PMP22: variants seen among roughly 807,000 people sequenced by gnomAD.
PMP22 encodes Charcot-Marie-Tooth neuropathy 1A (greatly reduced nerve conduction velocity, hereditary motor sensory neuropathy Ia).
Under a neutral mutation model 18.9 loss-of-function variants are expected in PMP22, and 2 were observed. That is an observed-to-expected ratio of 0.11 (90% CI 0.04 to 0.33). PMP22 has a LOEUF of 0.33. PMP22 is among the 10% of genes least tolerant of loss of function. The pLI, the probability that PMP22 is intolerant of heterozygous loss-of-function variation, is 1.00. For missense variants in PMP22, 169 were observed against 202.2 expected (o/e 0.84, Z 1.00); for synonymous variants, 95 against 89.2 (o/e 1.07, Z -0.37).
Position 15,246,584 on chromosome 17 carries a change from G to A in PMP22, c.179-6973C>T, listed in dbSNP as rs191568746. 3.3e-5 allele frequency among the ~76,000 whole-genome samples: 5 copies of A among 152,348 alleles called. No homozygotes were observed. In the East Asian group the frequency reaches 5.8e-4, roughly 18 times the overall value. ...ACTATAGATTAACACAAGCCCCAGT[G>A]TGGCGATACTCTTCCCCACGCCCCA... On this transcript the variant is annotated intron_variant, in intron 3 of 4. Coordinates refer to ENST00000312280, the MANE Select transcript of PMP22 (RefSeq NM_000304.4).
At chr17:15,242,251 C>CAAAAAAAAAA (rs59075019) in intron 3 of PMP22, among the ~76,000 whole-genome samples, 2 of 54,788 alleles carry the variant, frequency 3.7e-5, no homozygotes, top group African/African-American at 6.7e-5. Flanking sequence ...GACTCTGTCT[C>CAAAAAAAAAA]AAAAAAAAAA....
chr17:15,233,988 G>A (rs536989859), intron 4 of PMP22, among the ~76,000 whole-genome samples: 14 of 152,288 alleles, frequency 9.2e-5, no homozygotes, highest in African/African-American at 2.6e-4. Context: ...ATGATCAGAC[G>A]CACGTTTTAG....
intron 1 of PMP22, among the ~76,000 whole-genome samples, chr17:15,264,574 T>C (rs1282749856): frequency 6.6e-6 from 1 of 152,224 alleles, no homozygotes; most frequent in Admixed American, 6.5e-5. Flanking sequence ...AAAGTGCATA[T>C]ATTGGGTGCT....
chr17:15,256,363 C>T (rs1908825394), intron 3 of PMP22, among the ~76,000 whole-genome samples: 1 of 152,148 alleles, frequency 6.6e-6, no homozygotes, highest in Admixed American at 6.5e-5. Context: ...TACCAAGTCA[C>T]ATGGCGCAGT....
Position 15,261,453 on chromosome 17 carries a change from G to A in PMP22, c.-34-692C>T, listed in dbSNP as rs1597637175. 6.6e-6 allele frequency: 1 copy of A among 152,538 alleles called. No individual in the cohort carries two copies. The highest frequency in any genetic ancestry group is 1.5e-5 in the Non-Finnish European group (1 of 68,380). The allele number at this position is 152,538 out of a possible 1,614,324, so 9.4% of individuals were successfully genotyped here. Reference sequence around the variant, plus strand: ...TAGTGTGGAAAGAAAAGAATGGCTCGAGAGGGTTGCCCGGACCCTGCGCTT... The same window carrying A: ...TAGTGTGGAAAGAAAAGAATGGCTCAAGAGGGTTGCCCGGACCCTGCGCTT... On this transcript the variant is annotated intron_variant, in intron 1 of 4. Transcript: ENST00000312280. The surrounding 1 kb of genome is among the most constrained non-coding windows in gnomAD (Gnocchi z 5.2).
At chr17:15,250,106 G>A (rs1057388920) in intron 3 of PMP22, among the ~76,000 whole-genome samples, 2 of 152,166 alleles carry the variant, frequency 1.3e-5, no homozygotes, top group African/African-American at 4.8e-5. Context: ...TTTTAGTAGA[G>A]ACAGGGTTTC....
At chr17:15,237,289 T>C (rs1283988406) in intron 4 of PMP22, among the ~76,000 whole-genome samples, 3 of 152,210 alleles carry the variant, frequency 2.0e-5, no homozygotes, top group Admixed American at 1.3e-4. Context: ...CTCTGGACTT[T>C]GAGTTTTGGC....
At chr17:15,238,834 G>A (rs1011400581) in intron 4 of PMP22, among the ~76,000 whole-genome samples, 5 of 152,206 alleles carry the variant, frequency 3.3e-5, no homozygotes, top group African/African-American at 1.2e-4. Flanking sequence ...GGAGATTAAG[G>A]AGACCTCTCA....
intron 4 of PMP22, among the ~76,000 whole-genome samples, chr17:15,238,647 C>T (rs1368655197): frequency 1.3e-5 from 2 of 151,826 alleles, no homozygotes; most frequent in East Asian, 3.8e-4. Flanking sequence ...ATGTAAGATG[C>T]TAGGCAGAAT....
At chr17:15,243,771 ATAT>A (rs1159872816) in intron 3 of PMP22, among the ~76,000 whole-genome samples, 1 of 148,006 alleles carries the variant, frequency 6.8e-6, no homozygotes, top group Non-Finnish European at 1.5e-5. Flanking sequence ...TCAAGTGCTT[ATAT>A]TATAATTATA....
chr17:15,243,857 T>A (rs1178479820), intron 3 of PMP22, among the ~76,000 whole-genome samples: 1 of 150,606 alleles, frequency 6.6e-6, no homozygotes, highest in Non-Finnish European at 1.5e-5. Flanking sequence ...ATTATAAAGT[T>A]TTAGCAATTC....
At chr17:15,235,175 C>G in intron 4 of PMP22, 1 of 716,740 alleles carries the variant, frequency 1.4e-6, no homozygotes, top group Non-Finnish European at 2.6e-6. Flanking sequence ...ATTAACAAAA[C>G]AAATGAACAA....
intron 4 of PMP22, among the ~76,000 whole-genome samples, chr17:15,237,951 C>G (rs1391794723): frequency 6.6e-6 from 1 of 151,006 alleles, no homozygotes; most frequent in African/African-American, 2.4e-5. Flanking sequence ...TCCACTGATG[C>G]AATGGATATG....
At chr17:15,256,024 C>T (rs1021718522) in intron 3 of PMP22, among the ~76,000 whole-genome samples, 1 of 152,198 alleles carries the variant, frequency 6.6e-6, no homozygotes, top group East Asian at 1.9e-4. Flanking sequence ...TAACGAATAT[C>T]CCCACACTAA....
intron 3 of PMP22, among the ~76,000 whole-genome samples, chr17:15,252,745 A>G (rs1908471585): frequency 6.6e-6 from 1 of 152,228 alleles, no homozygotes; most frequent in Admixed American, 6.5e-5. Context: ...TTCTTCTGAG[A>G]CAAGAGAGGA....
At chr17:15,244,057 T>C (rs1269779151) in intron 3 of PMP22, among the ~76,000 whole-genome samples, 1 of 152,036 alleles carries the variant, frequency 6.6e-6, no homozygotes, top group Non-Finnish European at 1.5e-5. Flanking sequence ...TTCGCATCAT[T>C]AACAAAATTA....
chr17:15,260,384 G>T, intron 2 of PMP22: 1 of 540,188 alleles, frequency 1.9e-6, no homozygotes, highest in Non-Finnish European at 3.3e-6. Context: ...GAAGGTCGGG[G>T]ACCCTAGATC....
chr17:15,237,634 A>T (rs1906922955), intron 4 of PMP22, among the ~76,000 whole-genome samples: 1 of 152,254 alleles, frequency 6.6e-6, no homozygotes, highest in East Asian at 1.9e-4. Context: ...CTGTCTTTAA[A>T]ATATAAGAAG....
chr17:15,251,344 T>C (rs986808731), intron 3 of PMP22, among the ~76,000 whole-genome samples: 3 of 152,270 alleles, frequency 2.0e-5, no homozygotes, highest in African/African-American at 4.8e-5. Flanking sequence ...GTATTGCCTG[T>C]TTCCTCCAAC....
Sources: allele counts gnomAD v4.1 joint callset (sites outside exome capture counted in the v4.1 genomes callset), GRCh38; gene constraint gnomAD v4.1.1; non-coding constraint Gnocchi (gnomAD v3.1); transcripts MANE v1.5; gene names NCBI Gene and HGNC (gene_info 2026-07-23, HGNC 2026-07-21).